The following C15orf40 variants were observed in gnomAD, a reference collection of about 807,000 sequenced individuals.
C15orf40 encodes chromosome 15 open reading frame 40.
C15orf40 carries 9 observed loss-of-function variants against 13.9 expected under a neutral mutation model. The observed-to-expected ratio is 0.65, with a 90% CI of 0.39 to 1.13. C15orf40 has a LOEUF of 1.13. Ranked by LOEUF, C15orf40 falls within the 50% of genes most tolerant of loss-of-function variation. The pLI, the probability that C15orf40 is intolerant of heterozygous loss-of-function variation, is 0.01. For missense variants in C15orf40, 225 were observed against 188.5 expected, an observed-to-expected ratio of 1.19 and a Z score of -1.13; for synonymous variants, 95 against 69.2, an observed-to-expected ratio of 1.37 and a Z score of -1.85.
rs182663010 is a variant in C15orf40, at chr15:83,007,049, C to T, written c.367-1357G>A. Among the ~76,000 whole-genome samples, 370 of 152,288 alleles carry T rather than the reference C, an allele frequency of 2.4e-3. 1 individual carries two copies. The highest frequency in any genetic ancestry group is 4.6e-3 in the Non-Finnish European group (316 of 68,036). ...GTATAGCACTGGAAAACAAGCAGAG[C>T]TTTAAGAAATATAAACATGGCTGGG... On this transcript the variant is annotated intron_variant, in intron 3 of 3. Coordinates refer to ENST00000304177, the MANE Select transcript of C15orf40 (RefSeq NM_144597.3).
intron 3 of C15orf40, among the ~76,000 whole-genome samples, chr15:83,006,995 C>T (rs56394884): frequency 2.1e-3 from 316 of 152,250 alleles, no homozygotes; most frequent in African/African-American, 7.0e-3. Context: ...ACTGTGAATG[C>T]CAGCTGGAAC....
In C15orf40 at chr15:83,004,101, T is replaced by C. The variant is rs1249113232; in HGVS notation, c.*1496A>G. 6.6e-6 allele frequency: 1 copy of C among 152,176 alleles called. No individual in the cohort carries two copies. The highest frequency in any genetic ancestry group is 2.4e-5 in the African/African-American group (1 of 41,412). The allele number at this position is 152,176 out of a possible 1,614,324, so 9.4% of individuals were successfully genotyped here. ...ATAATCTTACATATAAATATATATA[T>C]CTATGTATAAAATCTATCTATGTAT... On this transcript the variant is annotated 3_prime_UTR_variant, in exon 4 of 4. Transcript: ENST00000304177.
rs12591237 is a variant in C15orf40, at chr15:82,995,151, G to T, written c.*10446C>A. The T allele has an allele frequency of 0.013, 2,024 of 152,240 alleles. 35 individuals carry two copies. Among genetic ancestry groups the T allele is most frequent in the East Asian group, 0.096 (498 of 5,174 alleles). 9.4% of individuals were successfully genotyped at this position (152,240 alleles called of 1,614,324 possible). On this transcript the variant is annotated 3_prime_UTR_variant, in exon 4 of 4. Transcript: ENST00000304177. ...CTAGAAGTCTGGTTGATTACTGCTG[G>T]CACCAGCTTTTGAGGAAAATAAGGA...
In C15orf40 at chr15:82,999,847, GA is replaced by G. The variant is rs2031339728; in HGVS notation, c.*5749del. On this transcript the variant is annotated 3_prime_UTR_variant, in exon 4 of 4. Transcript: ENST00000304177. ...TCTATCTAGGGGACCGATGGACCCTGAGGCAGACAGGATTATAAAATGCAAA... is the reference window on the plus strand; with the variant it reads ...TCTATCTAGGGGACCGATGGACCCTGGGCAGACAGGATTATAAAATGCAAA... 5.3e-5 allele frequency: 8 copies of G among 151,986 alleles called. No homozygotes were observed. The South Asian group carries it at 1.5e-3, about 28-fold the overall frequency. 9.4% of individuals were successfully genotyped at this position (151,986 alleles called of 1,614,324 possible). A position where few individuals can be genotyped will look rare whatever the true frequency, so the allele number is the denominator to read the frequency against.
At position 82,999,349 on chromosome 15, in the gene C15orf40, T is replaced by C. The variant is rs900084859; in HGVS notation, c.*6248A>G. 4 of 151,872 alleles carry C rather than the reference T, an allele frequency of 2.6e-5. 1 individual carries two copies. The highest frequency in any genetic ancestry group is 9.7e-5 in the African/African-American group (4 of 41,290). 9.4% of individuals were successfully genotyped at this position (151,872 alleles called of 1,614,324 possible). ...CTGAGACTACAGGCACACACCACCA[T>C]GCCTAGTTAATTTTTTTAATTTTTT... is the stretch of plus-strand genomic sequence containing the variant. On this transcript the variant is annotated 3_prime_UTR_variant, in exon 4 of 4. Transcript: ENST00000304177.
In C15orf40 at chr15:82,998,807, G is replaced by A. The variant is rs1485858709; in HGVS notation, c.*6790C>T. On this transcript the variant is annotated 3_prime_UTR_variant, in exon 4 of 4. Coordinates refer to ENST00000304177, the MANE Select transcript of C15orf40 (RefSeq NM_144597.3). ...AGGCTGCAATCTCGGCACTTTGGGAGGCCAAGGCAGGCGGCTGGGAGGTGT... is the reference window on the plus strand; with the variant it reads ...AGGCTGCAATCTCGGCACTTTGGGAAGCCAAGGCAGGCGGCTGGGAGGTGT... The A allele has an allele frequency of 1.3e-5, 1 of 75,606 alleles. No individual in the cohort carries two copies. Among genetic ancestry groups the A allele is most frequent in the African/African-American group, 6.3e-5 (1 of 15,782 alleles). The allele number at this position is 75,606 out of a possible 1,614,324, so 4.7% of individuals were successfully genotyped here. A position where few individuals can be genotyped will look rare whatever the true frequency, so the allele number is the denominator to read the frequency against.
downstream of C15orf40, chr15:82,989,826 A>C: frequency 6.3e-7 from 1 of 1,594,624 alleles, no homozygotes; most frequent in Non-Finnish European, 8.6e-7. Context: ...TGGGTTTGTC[A>C]TATGTTTTTT....
At chr15:82,990,027 A>G (rs772009818), downstream of C15orf40, 15 of 1,556,016 alleles carry the variant, frequency 9.6e-6, no homozygotes, top group South Asian at 1.6e-4. Context: ...CAATATGGAC[A>G]TTATGGTTAC....
In C15orf40 at chr15:83,004,544, C is replaced by T; in HGVS notation, c.*1053G>A. Reference sequence around the variant, plus strand: ...CAAATACTGAAAATAGCTTCCAAGTCCTCTTTCTTCTTTTAAGGATCTTTG... The same window carrying T: ...CAAATACTGAAAATAGCTTCCAAGTTCTCTTTCTTCTTTTAAGGATCTTTG... On this transcript the variant is annotated 3_prime_UTR_variant, in exon 4 of 4. Transcript: ENST00000304177. The T allele has an allele frequency of 1.2e-6, 1 of 830,950 alleles. No homozygotes were observed. Among genetic ancestry groups the T allele is most frequent in the Non-Finnish European group, 1.5e-6 (1 of 689,506 alleles). The allele number at this position is 830,950 out of a possible 1,614,324, so 51.5% of individuals were successfully genotyped here.
downstream of C15orf40, among the ~76,000 whole-genome samples, chr15:82,989,653 A>G (rs1596395639): frequency 6.6e-6 from 1 of 152,228 alleles, no homozygotes; most frequent in Non-Finnish European, 1.5e-5. Flanking sequence ...TATTGGTTAT[A>G]TAGTCTGCCT....
rs111508217 is a variant in C15orf40, at chr15:82,999,232, C to G, written c.*6365G>C. ...TTTATTTGAGACAGCGTCTTGCCCT[C>G]TCACCCAAGCTGGAGTGCAGTGGCG... On this transcript the variant is annotated 3_prime_UTR_variant, in exon 4 of 4. Transcript: ENST00000304177. 6,307 of 150,098 alleles carry G rather than the reference C, an allele frequency of 0.042. 271 individuals carry two copies. Among genetic ancestry groups the G allele is most frequent in the African/African-American group, 0.11 (4,462 of 39,806 alleles). 9.3% of individuals were successfully genotyped at this position (150,098 alleles called of 1,614,324 possible).
chr15:83,011,380 G>T (rs1312774249), intron 1 of C15orf40, 117 bp downstream of exon 1: 3 of 1,213,422 alleles, frequency 2.5e-6, no homozygotes, highest in Non-Finnish European at 3.3e-6. Flanking sequence ...CCCCGGAACT[G>T]AGAGACGGCA....
chr15:83,000,337 G>A lies in C15orf40; in HGVS notation c.*5260C>T, dbSNP rs1234994543. On this transcript the variant is annotated 3_prime_UTR_variant, in exon 4 of 4. Coordinates refer to ENST00000304177, the MANE Select transcript of C15orf40 (RefSeq NM_144597.3). ...GCTACGTGGATTTCTGAAACCTGCA[G>A]AGTTAAGGAAGGAACTCAAGACCAT... 1.3e-5 allele frequency: 2 copies of A among 152,282 alleles called. No individual in the cohort carries two copies. The highest frequency in any genetic ancestry group is 2.4e-5 in the African/African-American group (1 of 41,452). The allele number at this position is 152,282 out of a possible 1,614,324, so 9.4% of individuals were successfully genotyped here.
downstream of C15orf40, among the ~76,000 whole-genome samples, chr15:82,993,972 T>C (rs1180001025): frequency 1.3e-5 from 2 of 152,344 alleles, no homozygotes; most frequent in South Asian, 4.1e-4. Context: ...GTTTTGTTTT[T>C]GAGTGCTAGG....
At chr15:82,990,543 C>CTTTT (rs397854504), downstream of C15orf40, 72 of 687,614 alleles carry the variant, frequency 1.0e-4, no homozygotes, top group Middle Eastern at 4.1e-4. Flanking sequence ...AAAACAATTG[C>CTTTT]TTTTTTTTTT....
chr15:83,008,228 G>A, intron 3 of C15orf40: 3 of 229,592 alleles, frequency 1.3e-5, no homozygotes, highest in Non-Finnish European at 2.6e-5. Context: ...AGTTTAAAAA[G>A]AGAGAGACCT....
Position 83,011,594 on chromosome 15 carries a change from C to T in C15orf40, c.14G>A (p.Arg5His). The change falls in exon 1 of 4, where the codon CGC (arginine) becomes CAC (histidine). Residue 5 changes from arginine to histidine, a missense_variant. Arg to His is a conservative substitution (Grantham distance 29, BLOSUM62 0). Transcript: ENST00000304177. MLRL[R>H]SGLRHLRATP... ...TGCCCGAAGGTGCCTCAGCCCGCTG[C>T]GGAGCCGCAGCATCCCCGCCTGGGA... 6.3e-7 allele frequency: 1 copy of T among 1,587,568 alleles called. No homozygotes were observed. The highest frequency in any genetic ancestry group is 8.5e-7 in the Non-Finnish European group (1 of 1,171,506).
Position 83,001,347 on chromosome 15 carries a change from CAT to C in C15orf40, c.*4248_*4249del. ...CCAAGTTAATAAGTGATTAATACAT[CAT>C]GTTTGCACAAGTAATTATCATTTAT... On this transcript the variant is annotated 3_prime_UTR_variant, in exon 4 of 4. Coordinates refer to ENST00000304177, the MANE Select transcript of C15orf40 (RefSeq NM_144597.3). 1 of 944,142 alleles carries C rather than the reference CAT, an allele frequency of 1.1e-6. No individual in the cohort carries two copies. The highest frequency in any genetic ancestry group is 1.3e-6 in the Non-Finnish European group (1 of 792,336). 58.5% of individuals were successfully genotyped at this position (944,142 alleles called of 1,614,324 possible). A position where few individuals can be genotyped will look rare whatever the true frequency, so the allele number is the denominator to read the frequency against.
At chr15:82,989,746 A>G (rs1286124325), downstream of C15orf40, 28 of 1,152,706 alleles carry the variant, frequency 2.4e-5, no homozygotes, top group Non-Finnish European at 3.4e-5. Context: ...GCACTATAAC[A>G]TTCTATTGTG....
Sources: allele counts gnomAD v4.1 joint callset (sites outside exome capture counted in the v4.1 genomes callset), GRCh38; gene constraint gnomAD v4.1.1; transcripts MANE v1.5; gene names NCBI Gene and HGNC (gene_info 2026-07-23, HGNC 2026-07-21).